TMEM108: variants seen among roughly 807,000 people sequenced by gnomAD.
TMEM108 encodes the protein transmembrane protein 108, also known as cancer/testis antigen 124.
TMEM108 carries 12 observed loss-of-function variants against 35.1 expected under a neutral mutation model. That is an observed-to-expected ratio of 0.34 (90% CI 0.22 to 0.55). The LOEUF (loss-of-function observed/expected upper bound fraction) is 0.55, where lower values mean the gene tolerates loss of function less well. TMEM108 is among the 20% of genes least tolerant of loss of function. The pLI is 0.89. For synonymous variants in TMEM108, 287 were observed against 308.6 expected, an observed-to-expected ratio of 0.93 and a Z score of 0.73; for missense variants, 680 against 753.3, an observed-to-expected ratio of 0.90 and a Z score of 1.14.
intron 3 of TMEM108, among the ~76,000 whole-genome samples, chr3:133,359,042 T>A (rs1305353803): frequency 6.6e-6 from 1 of 152,186 alleles, no homozygotes; most frequent in Non-Finnish European, 1.5e-5. Context: ...TTACATCAGA[T>A]CTGTGGTTTC....
intron 3 of TMEM108, among the ~76,000 whole-genome samples, chr3:133,364,321 G>GGGACACA (rs1162826627): frequency 6.6e-6 from 1 of 152,218 alleles, no homozygotes; most frequent in Non-Finnish European, 1.5e-5. Context: ...CATAGGCAAT[G>GGGACACA]CTTAGCTCAG....
chr3:133,167,955 A>C, intron 2 of TMEM108, among the ~76,000 whole-genome samples: 1 of 151,920 alleles, frequency 6.6e-6, no homozygotes, highest in Admixed American at 6.6e-5. Context: ...GTTTATTCCA[A>C]GGGTAGGAGT....
intron 2 of TMEM108, among the ~76,000 whole-genome samples, chr3:133,169,541 T>A (rs139812104): frequency 6.4e-4 from 97 of 152,314 alleles, no homozygotes; most frequent in African/African-American, 2.1e-3. Context: ...GCTGGCTGAT[T>A]CAGTTGTTGT....
At chr3:133,254,319 C>T (rs1946514613) in intron 3 of TMEM108, among the ~76,000 whole-genome samples, 1 of 152,194 alleles carries the variant, frequency 6.6e-6, no homozygotes, top group Non-Finnish European at 1.5e-5. Context: ...ACAACAAAGG[C>T]TTCCCTTGAG....
chr3:133,246,794 C>A (rs1314769918), intron 3 of TMEM108: 1 of 152,192 alleles, frequency 6.6e-6, no homozygotes, highest in African/African-American at 2.4e-5. Flanking sequence ...GAGGTCCTCA[C>A]CCCTTACAGA....
At chr3:133,231,370 G>C (rs1402828129) in intron 3 of TMEM108, among the ~76,000 whole-genome samples, 1 of 152,146 alleles carries the variant, frequency 6.6e-6, no homozygotes. Flanking sequence ...TCTGTAATTT[G>C]AGCAGGGCTT....
At chr3:133,250,773 G>A (rs945615042) in intron 3 of TMEM108, among the ~76,000 whole-genome samples, 1 of 152,158 alleles carries the variant, frequency 6.6e-6, no homozygotes, top group Admixed American at 6.6e-5. Flanking sequence ...AAATAATACT[G>A]AGTAGCAAAT....
chr3:133,174,046 C>T (rs934035301), intron 2 of TMEM108, among the ~76,000 whole-genome samples: 3 of 152,246 alleles, frequency 2.0e-5, no homozygotes, highest in African/African-American at 7.2e-5. Flanking sequence ...GCTCCTGGCT[C>T]AGAGGGTCCT....
intron 2 of TMEM108, among the ~76,000 whole-genome samples, chr3:133,181,566 A>G (rs917760191): frequency 6.6e-6 from 1 of 152,174 alleles, no homozygotes; most frequent in African/African-American, 2.4e-5. Flanking sequence ...CCAGACCCAG[A>G]CAGAGATTGA....
intron 3 of TMEM108, among the ~76,000 whole-genome samples, chr3:133,230,626 A>C (rs940823401): frequency 6.6e-6 from 1 of 152,190 alleles, no homozygotes; most frequent in African/African-American, 2.4e-5. Context: ...ACACATACAC[A>C]CATACCCCTC....
At chr3:133,081,063 AC>A (rs1358590879) in intron 2 of TMEM108, among the ~76,000 whole-genome samples, 1 of 152,232 alleles carries the variant, frequency 6.6e-6, no homozygotes, top group Non-Finnish European at 1.5e-5. Context: ...GTGGATAATT[AC>A]AGTTTCCTTG....
At chr3:133,111,969 G>A (rs1944230255) in intron 2 of TMEM108, among the ~76,000 whole-genome samples, 1 of 152,196 alleles carries the variant, frequency 6.6e-6, no homozygotes, top group Non-Finnish European at 1.5e-5. Context: ...ACTTTCATCT[G>A]TTGGAAAACA....
chr3:133,261,724 TA>T (rs1212088313), intron 3 of TMEM108, among the ~76,000 whole-genome samples: 1 of 152,206 alleles, frequency 6.6e-6, no homozygotes, highest in Non-Finnish European at 1.5e-5. Flanking sequence ...AATGAAGCCA[TA>T]AATCAAGAAG....
At chr3:133,205,346 A>AT (rs1945736964) in intron 2 of TMEM108, among the ~76,000 whole-genome samples, 1 of 152,034 alleles carries the variant, frequency 6.6e-6, no homozygotes, top group African/African-American at 2.4e-5. Flanking sequence ...TCCTGCCATT[A>AT]TGGTGCTAGC....
At chr3:133,150,817 A>C (rs559556098) in intron 2 of TMEM108, among the ~76,000 whole-genome samples, 86 of 152,250 alleles carry the variant, frequency 5.6e-4, no homozygotes, top group Admixed American at 1.1e-3. Flanking sequence ...TGGCAGGAAG[A>C]CTAGGCCACA....
intron 2 of TMEM108, among the ~76,000 whole-genome samples, chr3:133,103,597 AT>A (rs1559833206): frequency 6.6e-6 from 1 of 152,166 alleles, no homozygotes; most frequent in Non-Finnish European, 1.5e-5. Context: ...TTAAAAAAAA[AT>A]GTTAGATCAC....
At chr3:133,057,081 A>G (rs998277113) in intron 2 of TMEM108, among the ~76,000 whole-genome samples, 33 of 152,160 alleles carry the variant, frequency 2.2e-4, no homozygotes, top group Non-Finnish European at 3.8e-4. Context: ...CATGAATTAA[A>G]CCTGCCAGTG....
chr3:133,068,800 A>G (rs950408730), intron 2 of TMEM108, among the ~76,000 whole-genome samples: 4 of 152,144 alleles, frequency 2.6e-5, no homozygotes, highest in Non-Finnish European at 1.5e-5. Flanking sequence ...TGAAGCACAT[A>G]AGAAAACCGT....
intron 1 of TMEM108, among the ~76,000 whole-genome samples, chr3:133,040,758 A>T: frequency 6.6e-6 from 1 of 152,226 alleles, no homozygotes; most frequent in East Asian, 1.9e-4. Flanking sequence ...AACGTACTTC[A>T]GTGACCTATA....
Sources: gnomAD v4.1 joint callset for allele counts (sites outside exome capture counted in the v4.1 genomes callset) on GRCh38, gnomAD v4.1.1 for gene constraint, MANE v1.5 for transcripts, NCBI Gene and HGNC (gene_info 2026-07-23, HGNC 2026-07-21) for gene names.